Variants in TRAK1 observed in about 807,000 individuals in gnomAD.
TRAK1 encodes the protein trafficking kinesin protein 1.
A neutral mutation model predicts 92.1 loss-of-function variants in TRAK1; 33 were observed. The observed-to-expected ratio is 0.36, with a 90% CI of 0.27 to 0.48. TRAK1 has a LOEUF of 0.48. Among genes scored for constraint, TRAK1 ranks in the 20% least tolerant of loss-of-function variants. The pLI, the probability that TRAK1 is intolerant of heterozygous loss-of-function variation, is 0.99. For synonymous variants in TRAK1, 521 were observed against 517.3 expected, an observed-to-expected ratio of 1.01 and a Z score of -0.10; for missense variants, 1,123 against 1,257.9, an observed-to-expected ratio of 0.89 and a Z score of 1.62.
intron 6 of TRAK1, among the ~76,000 whole-genome samples, chr3:42,190,985 C>T (rs1009440881): frequency 1.3e-5 from 2 of 152,166 alleles, no homozygotes; most frequent in African/African-American, 4.8e-5. Context: ...CCTTTTCAGC[C>T]AGGGCAAGTT....
intron 2 of TRAK1, among the ~76,000 whole-genome samples, chr3:42,139,882 G>A (rs757898586): frequency 3.3e-5 from 5 of 152,122 alleles, no homozygotes; most frequent in Non-Finnish European, 5.9e-5. Context: ...AATGGAATAC[G>A]GGGCCGTTTG....
Position 42,186,041 on chromosome 3 carries a change from C to T in TRAK1, c.480+1240C>T, listed in dbSNP as rs141741953. ...TCTGTCACTCAGGCTAGAGTGCAGT[C>T]GTGAGATCACAGCTCACTGCAGCCT... On this transcript the variant is annotated intron_variant, in intron 4 of 15. Coordinates refer to ENST00000327628, the MANE Select transcript of TRAK1 (RefSeq NM_001042646.3). Among the ~76,000 whole-genome samples, 341 of 137,282 alleles carry T rather than the reference C, an allele frequency of 2.5e-3. 5 individuals are homozygous for T. Among genetic ancestry groups the T allele is most frequent in the African/African-American group, 9.1e-3 (324 of 35,412 alleles). The allele number at this position is 137,282 out of a possible 152,430, so 90.1% of individuals were successfully genotyped here.
At chr3:42,148,737 T>C (rs1335335749) in intron 2 of TRAK1, among the ~76,000 whole-genome samples, 1 of 152,220 alleles carries the variant, frequency 6.6e-6, no homozygotes, top group Non-Finnish European at 1.5e-5. Flanking sequence ...GAGCAGAGAA[T>C]AGTAGTGCAT....
At position 42,136,127 on chromosome 3, in the gene TRAK1, T is replaced by A. The variant is rs191091515; in HGVS notation, c.286+10513T>A. Among the ~76,000 whole-genome samples the A allele has an allele frequency of 1.3e-4, 20 of 152,308 alleles. No homozygotes were observed. In the East Asian group the frequency reaches 2.3e-3, roughly 18 times the overall value. ...GAAATCATGGAACCTCTGTGTACTT[T>A]GGTTTACTTTTTTGGTGGGTTTAAG... On this transcript the variant is annotated intron_variant, in intron 2 of 15. Transcript: ENST00000327628.
chr3:42,181,624 A>G (rs1372205914), intron 3 of TRAK1, among the ~76,000 whole-genome samples: 1 of 152,222 alleles, frequency 6.6e-6, no homozygotes, highest in Non-Finnish European at 1.5e-5. Flanking sequence ...CATGAAGGCA[A>G]TGCAGACCAG....
intron 1 of TRAK1, among the ~76,000 whole-genome samples, chr3:42,104,658 A>T (rs1327777469): frequency 6.6e-6 from 1 of 152,232 alleles, no homozygotes; most frequent in African/African-American, 2.4e-5. Flanking sequence ...GAAAACTAAC[A>T]AACAGAAAGG....
chr3:42,071,241 T>A (rs1047297773), intron 1 of TRAK1, among the ~76,000 whole-genome samples: 15 of 152,230 alleles, frequency 9.9e-5, no homozygotes, highest in African/African-American at 3.6e-4. Context: ...GTTCTCTTCC[T>A]CTCCTACCCA....
chr3:42,151,886 T>A (rs1699996084), intron 2 of TRAK1, among the ~76,000 whole-genome samples: 1 of 152,332 alleles, frequency 6.6e-6, no homozygotes, highest in African/African-American at 2.4e-5. Context: ...GAGGGAAGCT[T>A]TTACAGAACT....
intron 2 of TRAK1, among the ~76,000 whole-genome samples, chr3:42,130,041 C>G (rs1442653341): frequency 3.3e-5 from 5 of 151,972 alleles, no homozygotes; most frequent in Non-Finnish European, 2.9e-5. Flanking sequence ...AGGGCATTGT[C>G]CCAAGTGACA....
intron 1 of TRAK1, among the ~76,000 whole-genome samples, chr3:42,025,379 T>G (rs1170107136): frequency 6.6e-6 from 1 of 152,214 alleles, no homozygotes; most frequent in Non-Finnish European, 1.5e-5. Flanking sequence ...TCTTCTTACA[T>G]TAATTTTGAT....
chr3:42,094,590 T>G (rs1336965560), intron 1 of TRAK1, among the ~76,000 whole-genome samples: 1 of 152,060 alleles, frequency 6.6e-6, no homozygotes, highest in African/African-American at 2.4e-5. Context: ...CAGGCTGGTC[T>G]TGAACTTCTG....
At chr3:42,185,052 G>A (rs183494526) in intron 4 of TRAK1, 87 of 469,238 alleles carry the variant, frequency 1.9e-4, no homozygotes, top group Middle Eastern at 1.2e-3. Flanking sequence ...GGCTAAGGGC[G>A]GGCATGGTCC....
intron 14 of TRAK1, chr3:42,218,195 T>C (rs1163313525): frequency 1.0e-6 from 1 of 985,452 alleles, no homozygotes; most frequent in African/African-American, 1.7e-5. Context: ...TTTTTTTGTT[T>C]GTGTCATCGG....
intron 13 of TRAK1, chr3:42,203,464 C>T (rs9829097): frequency 0.68 from 663,275 of 982,124 alleles, 224,812 homozygotes; most frequent in East Asian, 0.98. Flanking sequence ...AAACTTCCTC[C>T]TTCCCTCTCT....
intron 13 of TRAK1, chr3:42,203,638 GT>G: frequency 1.0e-6 from 1 of 984,816 alleles, no homozygotes; most frequent in Non-Finnish European, 1.2e-6. Context: ...TTGAGAAGGT[GT>G]TTTAAAACTC....
intron 2 of TRAK1, among the ~76,000 whole-genome samples, chr3:42,137,948 G>T (rs561893309): frequency 1.6e-4 from 24 of 152,282 alleles, no homozygotes; most frequent in African/African-American, 5.8e-4. Flanking sequence ...TTCTTTGAGA[G>T]ATTTTCACTC....
At chr3:42,099,483 T>C (rs1010955697) in intron 1 of TRAK1, among the ~76,000 whole-genome samples, 4 of 152,184 alleles carry the variant, frequency 2.6e-5, no homozygotes, top group African/African-American at 9.7e-5. Flanking sequence ...TTGACCTAGA[T>C]GATGGAACGT....
upstream of TRAK1, among the ~76,000 whole-genome samples, chr3:42,088,244 T>G (rs1704785792): frequency 6.6e-6 from 1 of 152,224 alleles, no homozygotes; most frequent in Non-Finnish European, 1.5e-5. Context: ...AGTTAAGCCT[T>G]GAGGACCTCC....
chr3:42,153,052 T>C (rs566499883), intron 2 of TRAK1, among the ~76,000 whole-genome samples: 2 of 152,276 alleles, frequency 1.3e-5, no homozygotes, highest in South Asian at 4.1e-4. Flanking sequence ...TGTTTAATTT[T>C]ATTTTCTCAG....
Sources: allele counts gnomAD v4.1 joint callset (sites outside exome capture counted in the v4.1 genomes callset), GRCh38; gene constraint gnomAD v4.1.1; transcripts MANE v1.5; gene names NCBI Gene and HGNC (gene_info 2026-07-23, HGNC 2026-07-21).